The following ATP11A variants were observed in gnomAD, a reference collection of about 807,000 sequenced individuals.
The protein encoded by ATP11A is phospholipid-transporting ATPase IH.
ATP11A carries 81 observed loss-of-function variants against 154.4 expected under a neutral mutation model. That is an observed-to-expected ratio of 0.52 (90% CI 0.44 to 0.63). The LOEUF (loss-of-function observed/expected upper bound fraction) is 0.63, where lower values mean the gene tolerates loss of function less well. ATP11A is among the 30% of genes least tolerant of loss of function. ATP11A has a pLI of 0.00. For missense variants in ATP11A, 1,316 were observed against 1,474.3 expected (o/e 0.89, Z 1.76); for synonymous variants, 623 against 585.9 (o/e 1.06, Z -0.91).
intron 6 of ATP11A, 121 bp from the exon 7 acceptor site, chr13:112,819,183 A>G (rs534346219): frequency 8.4e-5 from 67 of 795,954 alleles, no homozygotes; most frequent in South Asian, 7.7e-4. Flanking sequence ...TTCTGTAACT[A>G]TTAAACATTT....
At chr13:112,809,895 T>C (rs1401918802) in intron 4 of ATP11A, among the ~76,000 whole-genome samples, 1 of 151,932 alleles carries the variant, frequency 6.6e-6, no homozygotes, top group African/African-American at 2.4e-5. Flanking sequence ...GGAATCGGAG[T>C]GCACGTGTCT....
intron 1 of ATP11A, among the ~76,000 whole-genome samples, chr13:112,769,236 G>T (rs1320842031): frequency 1.3e-4 from 20 of 152,174 alleles, no homozygotes; most frequent in Admixed American, 1.3e-3. Context: ...CGTGTGCCAG[G>T]GCTGAGCTCC....
chr13:112,780,224 G>A (rs565290585), intron 1 of ATP11A, among the ~76,000 whole-genome samples: 192 of 152,204 alleles, frequency 1.3e-3, no homozygotes, highest in Non-Finnish European at 2.1e-3. Context: ...GGTTCCAACT[G>A]GAAAATATTC....
At chr13:112,720,019 C>G (rs1172971324) in intron 1 of ATP11A, among the ~76,000 whole-genome samples, 1 of 152,218 alleles carries the variant, frequency 6.6e-6, no homozygotes, top group East Asian at 1.9e-4. Flanking sequence ...GAAAACATCT[C>G]AAGTCTGTGG....
At chr13:112,880,351 G>A (rs562385621) in intron 29 of ATP11A, 8 of 272,070 alleles carry the variant, frequency 2.9e-5, no homozygotes, top group Middle Eastern at 1.6e-3. Flanking sequence ...TCATGGGAGC[G>A]GCCCTGCTGG....
chr13:112,863,335 C>T (rs2080186017), intron 25 of ATP11A, among the ~76,000 whole-genome samples: 1 of 148,218 alleles, frequency 6.7e-6, no homozygotes. Context: ...AGCTTCCCAG[C>T]GGGGTCCATC....
At chr13:112,732,510 A>G (rs1002431432) in intron 1 of ATP11A, among the ~76,000 whole-genome samples, 23 of 151,938 alleles carry the variant, frequency 1.5e-4, no homozygotes, top group African/African-American at 5.3e-4. Flanking sequence ...CTCCAGCTGC[A>G]TCTCTCTGCA....
At chr13:112,784,144 G>T (rs947054721) in intron 1 of ATP11A, among the ~76,000 whole-genome samples, 1 of 152,238 alleles carries the variant, frequency 6.6e-6, no homozygotes, top group African/African-American at 2.4e-5. Context: ...GGGCTGCCCT[G>T]TTAGGCGGAG....
chr13:112,785,695 G>A lies in ATP11A; in HGVS notation c.162+438G>A, dbSNP rs2077608298. ...GCAGGCTGGACAGCAAAACCTGGGGGGAAATCTTTGAGCTTGTTCACGAGG... is the reference window on the plus strand; with the variant it reads ...GCAGGCTGGACAGCAAAACCTGGGGAGAAATCTTTGAGCTTGTTCACGAGG... On this transcript the variant is annotated intron_variant, in intron 2 of 29. Transcript: ENST00000375645. The surrounding 1 kb of genome is among the most constrained non-coding windows in gnomAD (Gnocchi z 4.8). 6.6e-6 allele frequency among the ~76,000 whole-genome samples: 1 copy of A among 152,154 alleles called. No homozygotes were observed. The highest frequency in any genetic ancestry group is 2.4e-5 in the African/African-American group (1 of 41,444).
chr13:112,772,192 T>A (rs900463515), intron 1 of ATP11A, among the ~76,000 whole-genome samples: 2 of 152,184 alleles, frequency 1.3e-5, no homozygotes, highest in African/African-American at 2.4e-5. Context: ...AAGACGGAGT[T>A]TATTATGTCA....
intron 1 of ATP11A, among the ~76,000 whole-genome samples, chr13:112,765,245 GGCC>G (rs2077048273): frequency 6.6e-6 from 1 of 151,892 alleles, no homozygotes; most frequent in Non-Finnish European, 1.5e-5. Flanking sequence ...CAGCAGGGGT[GGCC>G]CGGGCAGTTC....
At position 112,729,373 on chromosome 13, in the gene ATP11A, TTAG is replaced by T. The variant is rs1403410634; in HGVS notation, c.39+38919_39+38921del. 3.2e-3 allele frequency among the ~76,000 whole-genome samples: 483 copies of T among 152,294 alleles called. 2 individuals carry two copies. Among genetic ancestry groups the T allele is most frequent in the African/African-American group, 0.011 (451 of 41,536 alleles). ...ACTGAGGCAGCACAGTCCCCTCGCC[TTAG>T]CATTGCGGGCCCAGAGTATCTAACG... On this transcript the variant is annotated intron_variant, in intron 1 of 29. Transcript: ENST00000375645.
At chr13:112,842,145 C>A in intron 16 of ATP11A, 131 bp from the exon 17 acceptor site, 1 of 677,840 alleles carries the variant, frequency 1.5e-6, no homozygotes, top group Non-Finnish European at 2.5e-6. Flanking sequence ...GTTAACTGGT[C>A]CATTAAAATC....
chr13:112,690,432 G>C lies in ATP11A; in HGVS notation c.16G>C (p.Val6Leu). Residue 6 changes from valine (V) to leucine (L), a missense_variant, in exon 1 of 30, where the codon GTG becomes CTG. By Grantham distance (32) the Val-to-Leu change is conservative. Transcript: ENST00000375645. This position sits in a 1 kb window ranked among gnomAD's most constrained non-coding sequence, Gnocchi z 5.6. ...CGGAGGAGCCATGGACTGCAGCCTC[G>C]TGCGGACGCTCGTGCACAGATACGT... The part of the protein sequence containing the change: MDCSL[V>L]RTLVHRYCAG... 1 of 1,348,642 alleles carries C rather than the reference G, an allele frequency of 7.4e-7. No individual in the cohort carries two copies. The highest frequency in any genetic ancestry group is 9.5e-7 in the Non-Finnish European group (1 of 1,047,296). The allele number at this position is 1,348,642 out of a possible 1,614,324, so 83.5% of individuals were successfully genotyped here. A position where few individuals can be genotyped will look rare whatever the true frequency, so the allele number is the denominator to read the frequency against.
intron 26 of ATP11A, among the ~76,000 whole-genome samples, chr13:112,872,189 A>G (rs982817269): frequency 4.6e-5 from 7 of 152,268 alleles, no homozygotes; most frequent in African/African-American, 1.7e-4. Flanking sequence ...TTTAAAGTTC[A>G]GTGAAATTAT....
chr13:112,728,665 G>T (rs1467510596), intron 1 of ATP11A, among the ~76,000 whole-genome samples: 2 of 147,454 alleles, frequency 1.4e-5, no homozygotes, highest in Non-Finnish European at 3.0e-5. Context: ...CAGTATCCAC[G>T]CGTGGAGGGG....
At chr13:112,771,000 G>A (rs1453350342) in intron 1 of ATP11A, among the ~76,000 whole-genome samples, 3 of 152,196 alleles carry the variant, frequency 2.0e-5, no homozygotes, top group Non-Finnish European at 4.4e-5. Flanking sequence ...GCTTGCTTCT[G>A]TTCTGCCCCG....
intron 1 of ATP11A, among the ~76,000 whole-genome samples, chr13:112,766,796 G>GAGTGCCT (rs373415498): frequency 2.7e-5 from 3 of 112,914 alleles, no homozygotes; most frequent in Non-Finnish European, 5.4e-5. Context: ...GAGGATGTGG[G>GAGTGCCT]GGCGTTGGGG....
At chr13:112,852,784 G>A (rs541224325) in intron 18 of ATP11A, among the ~76,000 whole-genome samples, 1 of 138,280 alleles carries the variant, frequency 7.2e-6, no homozygotes, top group African/African-American at 3.1e-5. Context: ...TGCCTGGTTG[G>A]CGGGGGGGGA....
Sources: allele counts gnomAD v4.1 joint callset (sites outside exome capture counted in the v4.1 genomes callset), GRCh38; gene constraint gnomAD v4.1.1; non-coding constraint Gnocchi (gnomAD v3.1); transcripts MANE v1.5; gene names NCBI Gene and HGNC (gene_info 2026-07-23, HGNC 2026-07-21).